ZNF875: variants seen among roughly 807,000 people sequenced by gnomAD.
ZNF875 encodes HKR1, GLI-Kruppel zinc finger family member.
Under a neutral mutation model 11.2 loss-of-function variants are expected in ZNF875, and 14 were observed. The ratio of observed to expected loss-of-function variants is 1.26; its 90% CI spans 0.83 to 1.96. The LOEUF (loss-of-function observed/expected upper bound fraction) is 1.96. Ranked by LOEUF, ZNF875 falls within the 30% of genes most tolerant of loss-of-function variation. The probability of loss-of-function intolerance (pLI) is 0.00; values close to 1 mark genes in which losing one functional copy is unlikely to be tolerated. For synonymous variants in ZNF875, 301 were observed against 281.1 expected, an observed-to-expected ratio of 1.07 and a Z score of -0.71; for missense variants, 752 against 760.4, an observed-to-expected ratio of 0.99 and a Z score of 0.13.
chr19:37,356,326 T>C (rs2038903727), intron 4 of ZNF875, among the ~76,000 whole-genome samples: 1 of 152,228 alleles, frequency 6.6e-6, no homozygotes, highest in Non-Finnish European at 1.5e-5. Context: ...TTTAGTTCCT[T>C]GAGAAATTTC....
chr19:37,348,206 C>G (rs919974663), intron 4 of ZNF875, among the ~76,000 whole-genome samples: 1 of 152,216 alleles, frequency 6.6e-6, no homozygotes, highest in Admixed American at 6.5e-5. Flanking sequence ...TAGATACTTT[C>G]TAGCTACTCT....
At chr19:37,338,777 T>C (rs2035051055) in intron 2 of ZNF875, among the ~76,000 whole-genome samples, 1 of 152,216 alleles carries the variant, frequency 6.6e-6, no homozygotes, top group Admixed American at 6.5e-5. Flanking sequence ...TTCTGTTGTT[T>C]GCTTTGGTTT....
chr19:37,355,467 C>T (rs770558346), intron 4 of ZNF875, among the ~76,000 whole-genome samples: 1 of 152,170 alleles, frequency 6.6e-6, no homozygotes, highest in African/African-American at 2.4e-5. Context: ...GGATTACAGG[C>T]GTGAGCCACC....
chr19:37,318,325 A>G (rs2030462110), intron 1 of ZNF875: 2 of 152,136 alleles, frequency 1.3e-5, no homozygotes. Context: ...ACTAGTTTAT[A>G]TTATGTTTAT....
At chr19:37,362,079 GC>G (rs757153287) in intron 4 of ZNF875, 29 bp from the exon 5 acceptor site, 2 of 1,536,308 alleles carry the variant, frequency 1.3e-6, no homozygotes, top group Admixed American at 3.5e-5. Flanking sequence ...CCTACCTATG[GC>G]CCCTCTGAAA....
Position 37,347,106 on chromosome 19 carries a change from C to G in ZNF875, c.34-84C>G. 1.3e-6 allele frequency: 2 copies of G among 1,588,792 alleles called. 1 individual carries two copies. The highest frequency in any genetic ancestry group is 2.2e-5 in the South Asian group (2 of 90,092). On this transcript the variant is annotated intron_variant, in intron 2 of 4. Coordinates refer to ENST00000392153, the MANE Select transcript of ZNF875 (RefSeq NM_001353803.2). ...TGCTGGGATTACAGGCATGAACCACCGGGCCTGGCCTTGACCTCTCATTCT... is the reference window on the plus strand; with the variant it reads ...TGCTGGGATTACAGGCATGAACCACGGGGCCTGGCCTTGACCTCTCATTCT...
upstream of ZNF875, among the ~76,000 whole-genome samples, chr19:37,334,390 A>G (rs1356950736): frequency 1.3e-5 from 2 of 152,226 alleles, no homozygotes; most frequent in Non-Finnish European, 2.9e-5. Context: ...ATTTTGCAGA[A>G]TCCTTCGGCA....
At chr19:37,336,364 A>G (rs1377868307) in intron 2 of ZNF875, among the ~76,000 whole-genome samples, 1 of 142,966 alleles carries the variant, frequency 7.0e-6, no homozygotes, top group East Asian at 2.1e-4. Context: ...CAGTGGCGCC[A>G]TCTCGGCTCG....
At chr19:37,336,291 GA>G (rs1160324272) in intron 2 of ZNF875, among the ~76,000 whole-genome samples, 2 of 141,480 alleles carry the variant, frequency 1.4e-5, no homozygotes, top group East Asian at 4.2e-4. Context: ...ACTTGCTTAA[GA>G]TTGAATTTTT....
intron 1 of ZNF875, among the ~76,000 whole-genome samples, chr19:37,319,329 C>CACCCG (rs1284164696): frequency 4.7e-5 from 5 of 105,324 alleles, no homozygotes; most frequent in Admixed American, 1.0e-4. Flanking sequence ...TACAGGTGTG[C>CACCCG]TCCACTGCAG....
upstream of ZNF875, among the ~76,000 whole-genome samples, chr19:37,332,341 C>G (rs1227070821): frequency 6.6e-6 from 1 of 151,762 alleles, no homozygotes; most frequent in Admixed American, 6.6e-5. Context: ...CGAGAAACAC[C>G]CACAGGTGTG....
chr19:37,326,791 C>G (rs894578360), intron 4 of ZNF875, among the ~76,000 whole-genome samples: 4 of 150,938 alleles, frequency 2.7e-5, no homozygotes, highest in African/African-American at 7.3e-5. Flanking sequence ...CCTCAGCCTC[C>G]CGAGTACCCG....
intron 1 of ZNF875, 25 bp downstream of exon 1, chr19:37,334,807 A>T (rs1443420250): frequency 2.2e-6 from 1 of 457,564 alleles, no homozygotes; most frequent in South Asian, 1.5e-5. Context: ...GGCAGTCAGC[A>T]TGCCCCTCTG....
intron 4 of ZNF875, chr19:37,328,826 T>G (rs576462396): frequency 6.6e-6 from 1 of 152,190 alleles, no homozygotes; most frequent in Admixed American, 6.6e-5. Context: ...AAGGCTTTTA[T>G]GTTTGAGGAG....
chr19:37,334,501 G>T (rs938356325), upstream of ZNF875: 1 of 330,956 alleles, frequency 3.0e-6, no homozygotes, highest in Non-Finnish European at 6.1e-6. Flanking sequence ...ACTTGGTTGT[G>T]TGCGCTGTGC....
At chr19:37,326,323 C>G (rs1456855415) in intron 4 of ZNF875, among the ~76,000 whole-genome samples, 4 of 152,200 alleles carry the variant, frequency 2.6e-5, no homozygotes, top group Admixed American at 6.5e-5. Flanking sequence ...CTCTCTCTGC[C>G]TCCTTTATTC....
chr19:37,343,584 CT>C (rs1335418506), intron 2 of ZNF875, among the ~76,000 whole-genome samples: 3 of 152,092 alleles, frequency 2.0e-5, no homozygotes. Context: ...ATTCCTGGTT[CT>C]TCTCCATGTG....
At chr19:37,350,693 G>A (rs769392559) in intron 4 of ZNF875, among the ~76,000 whole-genome samples, 2 of 150,482 alleles carry the variant, frequency 1.3e-5, no homozygotes, top group African/African-American at 4.9e-5. Context: ...CAATAAAGAT[G>A]TAGAACTCTT....
chr19:37,319,363 ATATATAATAAAAATGG>A (rs943654766), intron 1 of ZNF875, among the ~76,000 whole-genome samples: 15 of 144,704 alleles, frequency 1.0e-4, no homozygotes, highest in African/African-American at 3.9e-4. Flanking sequence ...ATATATATAT[ATATATAATAAAAATGG>A]TAATGACACT....
Sources: allele counts gnomAD v4.1 joint callset (sites outside exome capture counted in the v4.1 genomes callset), GRCh38; gene constraint gnomAD v4.1.1; transcripts MANE v1.5; gene names NCBI Gene and HGNC (gene_info 2026-07-23, HGNC 2026-07-21).